SLC8A1: variants seen among roughly 807,000 people sequenced by gnomAD.
SLC8A1 encodes the protein solute carrier family 8 member A1, also known as sodium/calcium exchanger 1.
SLC8A1 carries 18 observed loss-of-function variants against 68.3 expected under a neutral mutation model. That is an observed-to-expected ratio of 0.26 (90% CI 0.18 to 0.39). The LOEUF is 0.39. Among genes scored for constraint, SLC8A1 ranks in the 10% least tolerant of loss-of-function variants. SLC8A1 has a pLI of 1.00. For synonymous variants in SLC8A1, 475 were observed against 415.5 expected (o/e 1.14, Z -1.74); for missense variants, 985 against 1,156.7 (o/e 0.85, Z 2.15).
chr2:40,137,210 G>A (rs994179756), intron 7 of SLC8A1, among the ~76,000 whole-genome samples: 1 of 152,190 alleles, frequency 6.6e-6, no homozygotes, highest in Non-Finnish European at 1.5e-5. Flanking sequence ...GAGACACACA[G>A]AGGCCTTTTG....
chr2:40,428,942 C>T, exon 2 of SLC8A1: 1 of 1,613,888 alleles, frequency 6.2e-7, no homozygotes, highest in Non-Finnish European at 8.5e-7. Context: ...GTGCCATCCT[C>T]TGTTCTGAAG....
At chr2:40,483,330 TAAAG>T (rs1467007997) in intron 1 of SLC8A1, among the ~76,000 whole-genome samples, 6 of 151,738 alleles carry the variant, frequency 4.0e-5, no homozygotes, top group Non-Finnish European at 5.9e-5. Context: ...GATTAAAAGA[TAAAG>T]AAGATACACA....
chr2:40,263,172 GTT>G (rs1164341493), intron 2 of SLC8A1, among the ~76,000 whole-genome samples: 1 of 152,190 alleles, frequency 6.6e-6, no homozygotes, highest in Non-Finnish European at 1.5e-5. Flanking sequence ...CCATTTGCTG[GTT>G]GATTCAAGAG....
At chr2:40,317,562 G>T (rs913106716) in intron 2 of SLC8A1, among the ~76,000 whole-genome samples, 24 of 151,982 alleles carry the variant, frequency 1.6e-4, no homozygotes, top group African/African-American at 5.3e-4. Flanking sequence ...AGACATGACT[G>T]TATGTCAACA....
chr2:40,125,750 AAAAAG>A (rs963203808), intron 7 of SLC8A1, among the ~76,000 whole-genome samples: 5 of 152,136 alleles, frequency 3.3e-5, no homozygotes, highest in African/African-American at 4.8e-5. Context: ...TTATAATGAA[AAAAAG>A]AAAAGAAAAG....
At chr2:40,353,451 T>C (rs1334371796) in intron 2 of SLC8A1, among the ~76,000 whole-genome samples, 1 of 152,078 alleles carries the variant, frequency 6.6e-6, no homozygotes, top group African/African-American at 2.4e-5. Context: ...TTATGGAAAA[T>C]GGCTCTGACC....
At chr2:40,154,251 A>G (rs2043984476) in intron 6 of SLC8A1, among the ~76,000 whole-genome samples, 2 of 152,016 alleles carry the variant, frequency 1.3e-5, no homozygotes, top group Non-Finnish European at 2.9e-5. Flanking sequence ...CCAAATGGTA[A>G]CATTAAACAA....
intron 2 of SLC8A1, among the ~76,000 whole-genome samples, chr2:40,340,278 A>T (rs1482038108): frequency 1.3e-5 from 2 of 152,142 alleles, no homozygotes; most frequent in Non-Finnish European, 2.9e-5. Flanking sequence ...AAGGGAGTCA[A>T]GGCCAGGTGC....
intron 2 of SLC8A1, among the ~76,000 whole-genome samples, chr2:40,252,830 A>ATTATTGGAGT (rs1450289482): frequency 7.3e-6 from 1 of 137,304 alleles, no homozygotes; most frequent in African/African-American, 2.9e-5. Context: ...ATATGTATAT[A>ATTATTGGAGT]CATGTGTATA....
exon 8 of SLC8A1, chr2:40,101,687 AC>A (rs2033901340): frequency 6.6e-6 from 1 of 152,072 alleles, no homozygotes; most frequent in African/African-American, 2.4e-5. Context: ...AAGCATTTAA[AC>A]CTTTTCTTAA....
At chr2:40,215,885 C>T (rs1402664465) in intron 2 of SLC8A1, among the ~76,000 whole-genome samples, 1 of 152,048 alleles carries the variant, frequency 6.6e-6, no homozygotes, top group Non-Finnish European at 1.5e-5. Context: ...AGCTCCAAAA[C>T]CAGTGGAGAT....
chr2:40,285,779 A>G (rs573418904), intron 2 of SLC8A1, among the ~76,000 whole-genome samples: 41 of 152,320 alleles, frequency 2.7e-4, no homozygotes, highest in African/African-American at 9.6e-4. Context: ...CAACAAAATA[A>G]TTAGTTAACT....
intron 1 of SLC8A1, among the ~76,000 whole-genome samples, chr2:40,478,090 T>C (rs1254050314): frequency 6.6e-6 from 1 of 152,210 alleles, no homozygotes; most frequent in Non-Finnish European, 1.5e-5. Flanking sequence ...TTTCTTTTTT[T>C]CTTTTTCTTC....
intron 2 of SLC8A1, among the ~76,000 whole-genome samples, chr2:40,295,493 C>T (rs939244007): frequency 2.6e-5 from 4 of 152,088 alleles, no homozygotes; most frequent in African/African-American, 9.7e-5. Flanking sequence ...TGTGCATTTC[C>T]TTCTAAATAT....
At chr2:40,420,464 G>T (rs934089600) in intron 2 of SLC8A1, among the ~76,000 whole-genome samples, 1 of 152,000 alleles carries the variant, frequency 6.6e-6, no homozygotes, top group African/African-American at 2.4e-5. Context: ...GCCAAAGCAG[G>T]CAATGACAGA....
intron 2 of SLC8A1, among the ~76,000 whole-genome samples, chr2:40,245,665 A>AT (rs2061770736): frequency 6.6e-6 from 1 of 152,012 alleles, no homozygotes; most frequent in African/African-American, 2.4e-5. Context: ...TTTGTTTTAT[A>AT]TTACTTAAAA....
exon 8 of SLC8A1, chr2:40,107,590 A>C (rs982505144): frequency 3.9e-5 from 6 of 152,216 alleles, no homozygotes; most frequent in African/African-American, 1.4e-4. Flanking sequence ...TGTTTAATTA[A>C]TATTATTCTA....
At chr2:40,107,899 C>CAGTT (rs1456978321) in exon 8 of SLC8A1, 1 of 152,052 alleles carries the variant, frequency 6.6e-6, no homozygotes, top group African/African-American at 2.4e-5. Flanking sequence ...AATTTTTCAC[C>CAGTT]AGTTGGAATG....
At chr2:40,295,899 C>G (rs1332586953) in intron 2 of SLC8A1, among the ~76,000 whole-genome samples, 1 of 152,248 alleles carries the variant, frequency 6.6e-6, no homozygotes, top group South Asian at 2.1e-4. Flanking sequence ...TCTGAAAGAG[C>G]TTGCCTTTGT....
Sources: gnomAD v4.1 joint callset for allele counts (sites outside exome capture counted in the v4.1 genomes callset) on GRCh38, gnomAD v4.1.1 for gene constraint, MANE v1.5 for transcripts, NCBI Gene and HGNC (gene_info 2026-07-23, HGNC 2026-07-21) for gene names.